DLG1: variants seen among roughly 807,000 people sequenced by gnomAD.
The protein encoded by DLG1 is disks large homolog 1.
DLG1 carries 42 observed loss-of-function variants against 123.4 expected under a neutral mutation model. That is an observed-to-expected ratio of 0.34 (90% CI 0.27 to 0.44). The LOEUF is 0.44. Among genes scored for constraint, DLG1 ranks in the 20% least tolerant of loss-of-function variants. DLG1 has a pLI of 1.00. For missense variants in DLG1, 942 were observed against 1,082.6 expected (o/e 0.87, Z 1.82); for synonymous variants, 317 against 356.2 (o/e 0.89, Z 1.24).
chr3:197,143,393 C>T (rs1789057437), intron 6 of DLG1, among the ~76,000 whole-genome samples: 1 of 152,082 alleles, frequency 6.6e-6, no homozygotes, highest in South Asian at 2.1e-4. Context: ...GTAGCTGGGA[C>T]TACAGGTGCC....
At position 197,267,739 on chromosome 3, in the gene DLG1, T is replaced by A. The variant is rs150746396; in HGVS notation, c.318+14940A>T. ...GATGCATAATGCTGAAGTCTTTTTT[T>A]ATATTCTTTTCCCGAGATAACCTCT... On this transcript the variant is annotated intron_variant, in intron 4 of 24. Transcript: ENST00000667157. Among the ~76,000 whole-genome samples, 27 of 152,366 alleles carry A rather than the reference T, an allele frequency of 1.8e-4. No homozygotes were observed. The East Asian group carries it at 3.9e-3, about 22-fold the overall frequency.
At chr3:197,273,214 GTGTGTGTATA>G (rs1330036331) in intron 4 of DLG1, among the ~76,000 whole-genome samples, 3 of 147,300 alleles carry the variant, frequency 2.0e-5, no homozygotes, top group Admixed American at 6.8e-5. Flanking sequence ...GTGTGTGTAT[GTGTGTGTATA>G]TATATATATT....
At chr3:197,214,572 C>CA (rs1458053271) in intron 4 of DLG1, among the ~76,000 whole-genome samples, 33 of 145,702 alleles carry the variant, frequency 2.3e-4, no homozygotes, top group South Asian at 4.4e-4. Flanking sequence ...GACTCTGTCT[C>CA]AAAAAAAAAG....
At chr3:197,217,102 TAATC>T in intron 4 of DLG1, among the ~76,000 whole-genome samples, 1 of 152,336 alleles carries the variant, frequency 6.6e-6, no homozygotes, top group African/African-American at 2.4e-5. Context: ...AAACAGGACT[TAATC>T]ATGCAATTTT....
intron 4 of DLG1, among the ~76,000 whole-genome samples, chr3:197,206,467 T>C (rs1436949101): frequency 2.0e-5 from 3 of 152,028 alleles, no homozygotes; most frequent in Non-Finnish European, 4.4e-5. Flanking sequence ...GCCCAGCTAA[T>C]TTTTGTATTT....
chr3:197,099,061 GTTTTGT>G (rs1762121267), intron 14 of DLG1, among the ~76,000 whole-genome samples: 1 of 151,984 alleles, frequency 6.6e-6, no homozygotes, highest in Admixed American at 6.6e-5. Context: ...ACATATTTTT[GTTTTGT>G]TTTTAAGGTT....
chr3:197,195,032 C>G (rs1721675875), intron 4 of DLG1, among the ~76,000 whole-genome samples: 1 of 148,476 alleles, frequency 6.7e-6, no homozygotes. Flanking sequence ...TTTATTTTAA[C>G]TATAATCTCT....
chr3:197,195,659 G>A (rs562177552), intron 4 of DLG1, among the ~76,000 whole-genome samples: 3 of 152,104 alleles, frequency 2.0e-5, no homozygotes, highest in African/African-American at 7.2e-5. Flanking sequence ...GTTCCCACTT[G>A]TAAGTGGGAG....
At chr3:197,115,274 C>A (rs1327749089) in intron 13 of DLG1, among the ~76,000 whole-genome samples, 1 of 151,592 alleles carries the variant, frequency 6.6e-6, no homozygotes, top group Admixed American at 6.6e-5. Flanking sequence ...CACAGTAGAA[C>A]TATAGGTAAG....
chr3:197,164,785 G>A (rs758346585), intron 5 of DLG1, among the ~76,000 whole-genome samples: 3 of 151,544 alleles, frequency 2.0e-5, no homozygotes, highest in Admixed American at 6.6e-5. Context: ...AGCTAGGTGC[G>A]GTGGTGCATG....
At position 197,046,831 on chromosome 3, in the gene DLG1, T is replaced by C. The variant is rs181111992; in HGVS notation, c.2576-2102A>G. 1.7e-3 allele frequency among the ~76,000 whole-genome samples: 256 copies of C among 151,814 alleles called. 2 individuals carry two copies. Among genetic ancestry groups the C allele is most frequent in the Non-Finnish European group, 2.1e-3 (143 of 67,914 alleles). On this transcript the variant is annotated intron_variant, in intron 24 of 24. Coordinates refer to ENST00000667157, the MANE Select transcript of DLG1 (RefSeq NM_001366207.1). Reference sequence around the variant, plus strand: ...GTTCCAGTGAACTGAGATCGCACCATTGCACTCCAGCCTGGGTGACAGAGT... The same window carrying C: ...GTTCCAGTGAACTGAGATCGCACCACTGCACTCCAGCCTGGGTGACAGAGT...
chr3:197,114,720 C>T (rs1027351712), intron 13 of DLG1, among the ~76,000 whole-genome samples: 1 of 152,096 alleles, frequency 6.6e-6, no homozygotes, highest in African/African-American at 2.4e-5. Context: ...CAGTGGCTCA[C>T]GCCTGTAGTC....
chr3:197,147,483 A>G (rs190873806), intron 6 of DLG1, among the ~76,000 whole-genome samples: 736 of 151,226 alleles, frequency 4.9e-3, no homozygotes, highest in Non-Finnish European at 8.5e-3. Flanking sequence ...ATGGAATACT[A>G]CTCAGCCATA....
intron 3 of DLG1, among the ~76,000 whole-genome samples, chr3:197,285,258 T>C (rs975509982): frequency 7.9e-5 from 12 of 152,066 alleles, no homozygotes; most frequent in Admixed American, 3.3e-4. Context: ...AGAAACATTC[T>C]AGCTTTTGGT....
At chr3:197,064,369 G>A (rs1738072156) in intron 22 of DLG1, among the ~76,000 whole-genome samples, 1 of 149,470 alleles carries the variant, frequency 6.7e-6, no homozygotes, top group South Asian at 2.1e-4. Context: ...ATTTTTGTAT[G>A]TTTAGTAGAG....
chr3:197,201,684 T>C (rs1725806249), intron 4 of DLG1, among the ~76,000 whole-genome samples: 1 of 151,680 alleles, frequency 6.6e-6, no homozygotes, highest in African/African-American at 2.4e-5. Flanking sequence ...CACAAACAAA[T>C]GGAAAAACAC....
At chr3:197,241,792 A>AT (rs997991446) in intron 4 of DLG1, among the ~76,000 whole-genome samples, 2 of 152,218 alleles carry the variant, frequency 1.3e-5, no homozygotes, top group East Asian at 1.9e-4. Flanking sequence ...ATAATTTGTT[A>AT]TTTTTTTGTA....
In DLG1 at chr3:197,044,598, A is replaced by AAC; in HGVS notation, c.*24_*25insGT. On this transcript the variant is annotated 3_prime_UTR_variant, in exon 25 of 25. Transcript: ENST00000667157. ...TGCCAAAGAAAATGGAATTGTGGAAAAGAGAAACAGAGAAACATGAGTTTT... is the reference window on the plus strand; with the variant it reads ...TGCCAAAGAAAATGGAATTGTGGAAAACAGAGAAACAGAGAAACATGAGTTTT... 1 of 1,522,652 alleles carries AAC rather than the reference A, an allele frequency of 6.6e-7. No homozygotes were observed. Among genetic ancestry groups the AAC allele is most frequent in the East Asian group, 2.3e-5 (1 of 44,300 alleles). 94.3% of individuals were successfully genotyped at this position (1,522,652 alleles called of 1,614,324 possible).
chr3:197,130,184 G>A (rs1473438955), intron 11 of DLG1, among the ~76,000 whole-genome samples: 8 of 152,054 alleles, frequency 5.3e-5, no homozygotes, highest in Non-Finnish European at 8.8e-5. Context: ...AGAATGAACG[G>A]CTTGTTCAAG....
Sources: allele counts gnomAD v4.1 joint callset (sites outside exome capture counted in the v4.1 genomes callset), GRCh38; gene constraint gnomAD v4.1.1; transcripts MANE v1.5; gene names NCBI Gene and HGNC (gene_info 2026-07-23, HGNC 2026-07-21).